The following CRPPA variants were observed in gnomAD, a reference collection of about 807,000 sequenced individuals.
CRPPA encodes the protein D-ribitol-5-phosphate cytidylyltransferase.
In CRPPA, 43 loss-of-function variants were observed where a neutral mutation model predicts 52.0. That is an observed-to-expected ratio of 0.83 (90% CI 0.65 to 1.07). The LOEUF is 1.07. Ranked by LOEUF, CRPPA falls within the 50% of genes least tolerant of loss-of-function variation. The pLI, the probability that CRPPA is intolerant of heterozygous loss-of-function variation, is 0.00. For missense variants in CRPPA, 629 were observed against 551.7 expected (o/e 1.14, Z -1.40); for synonymous variants, 250 against 203.5 (o/e 1.23, Z -1.94).
At chr7:16,174,262 G>A (rs959458382) in intron 9 of CRPPA, among the ~76,000 whole-genome samples, 2 of 152,068 alleles carry the variant, frequency 1.3e-5, no homozygotes, top group Non-Finnish European at 2.9e-5. Flanking sequence ...AGGATGGGGG[G>A]AAAATGCAAG....
At chr7:16,238,965 C>G (rs1220839923) in intron 8 of CRPPA, among the ~76,000 whole-genome samples, 3 of 151,828 alleles carry the variant, frequency 2.0e-5, no homozygotes, top group Non-Finnish European at 2.9e-5. Flanking sequence ...TGGTGAAACC[C>G]CGTCTCTACT....
rs1047167192 is a variant in CRPPA, at chr7:16,226,744, C to T, written c.1120-10547G>A. Reference sequence around the variant, plus strand: ...ACACAACGTGATGTTCTGAAGCATACATTAGTTATGGAATGACTAAATCTA... The same window carrying T: ...ACACAACGTGATGTTCTGAAGCATATATTAGTTATGGAATGACTAAATCTA... On this transcript the variant is annotated intron_variant, in intron 8 of 9. Transcript: ENST00000407010. 2.6e-5 allele frequency among the ~76,000 whole-genome samples: 4 copies of T among 151,898 alleles called. No homozygotes were observed. In the East Asian group the frequency reaches 7.7e-4, roughly 29 times the overall value.
Position 16,149,886 on chromosome 7 carries a change from T to C in CRPPA, c.1252-58087A>G, listed in dbSNP as rs578063816. 4.2e-4 allele frequency among the ~76,000 whole-genome samples: 63 copies of C among 151,266 alleles called. 1 individual carries two copies. The highest frequency in any genetic ancestry group is 1.5e-3 in the African/African-American group (61 of 41,172). On this transcript the variant is annotated intron_variant, in intron 9 of 9. Coordinates refer to ENST00000407010, the MANE Select transcript of CRPPA (RefSeq NM_001101426.4). ...CTGCAGTCCCAACTACTCGGGAGGC[T>C]GAGGCAGGAGAACTGATTGAACTCG...
intron 8 of CRPPA, among the ~76,000 whole-genome samples, chr7:16,251,152 G>A (rs1349670538): frequency 1.3e-5 from 2 of 151,926 alleles, no homozygotes; most frequent in Non-Finnish European, 2.9e-5. Flanking sequence ...TATGGTAAAG[G>A]GATCAATGCA....
chr7:16,244,780 C>T (rs772821035), intron 8 of CRPPA, among the ~76,000 whole-genome samples: 3 of 152,090 alleles, frequency 2.0e-5, no homozygotes, highest in Non-Finnish European at 4.4e-5. Flanking sequence ...AACTTGAAGA[C>T]CCTTGTATAA....
At chr7:16,102,720 G>T (rs1033183352) in intron 9 of CRPPA, among the ~76,000 whole-genome samples, 6 of 152,246 alleles carry the variant, frequency 3.9e-5, no homozygotes, top group African/African-American at 1.4e-4. Context: ...CTCATCACTG[G>T]TCAGTAGAGA....
intron 3 of CRPPA, among the ~76,000 whole-genome samples, chr7:16,369,113 G>C (rs1786682454): frequency 6.6e-6 from 1 of 152,126 alleles, no homozygotes; most frequent in Non-Finnish European, 1.5e-5. Context: ...AAACCTCTCA[G>C]ACACCAAGTT....
intron 9 of CRPPA, among the ~76,000 whole-genome samples, chr7:16,141,171 T>C (rs1466026048): frequency 2.6e-5 from 4 of 152,148 alleles, no homozygotes; most frequent in African/African-American, 4.8e-5. Context: ...CAGCTGTCCA[T>C]TCATTTATGA....
chr7:16,103,352 T>C (rs946152476), intron 9 of CRPPA, among the ~76,000 whole-genome samples: 1 of 152,204 alleles, frequency 6.6e-6, no homozygotes, highest in East Asian at 1.9e-4. Context: ...ATACCTAATA[T>C]AGATGACGGG....
chr7:16,413,341 A>T (rs1788114581), intron 1 of CRPPA, among the ~76,000 whole-genome samples: 2 of 152,198 alleles, frequency 1.3e-5, no homozygotes, highest in South Asian at 4.1e-4. Flanking sequence ...GGTCCTTTGG[A>T]AATGTAACAC....
intron 9 of CRPPA, among the ~76,000 whole-genome samples, chr7:16,160,165 G>A (rs1432795148): frequency 6.6e-6 from 1 of 152,060 alleles, no homozygotes; most frequent in African/African-American, 2.4e-5. Flanking sequence ...AAGCTCTTTG[G>A]TTTAATTAGA....
intron 2 of CRPPA, among the ~76,000 whole-genome samples, chr7:16,379,495 A>G (rs1787012638): frequency 6.6e-6 from 1 of 152,140 alleles, no homozygotes; most frequent in African/African-American, 2.4e-5. Context: ...TTCCACATGA[A>G]CTTTAAAGTA....
intron 8 of CRPPA, among the ~76,000 whole-genome samples, chr7:16,223,547 A>G (rs1782575113): frequency 2.6e-5 from 4 of 152,296 alleles, no homozygotes; most frequent in East Asian, 3.9e-4. Flanking sequence ...ACAGAAGACA[A>G]TCTCCTGCAG....
intron 9 of CRPPA, among the ~76,000 whole-genome samples, chr7:16,126,521 G>T (rs1053483477): frequency 6.6e-6 from 1 of 152,100 alleles, no homozygotes; most frequent in Non-Finnish European, 1.5e-5. Flanking sequence ...AATATTCAAA[G>T]AAAGTGTTGG....
At chr7:16,162,632 G>A (rs1034433385) in intron 9 of CRPPA, among the ~76,000 whole-genome samples, 1 of 152,182 alleles carries the variant, frequency 6.6e-6, no homozygotes, top group Non-Finnish European at 1.5e-5. Context: ...GTGATGTGGT[G>A]CTGAGAAGAA....
chr7:16,282,135 G>A (rs578257869), intron 5 of CRPPA, among the ~76,000 whole-genome samples: 1 of 152,026 alleles, frequency 6.6e-6, no homozygotes, highest in East Asian at 1.9e-4. Context: ...TGTTTAAGTT[G>A]CTGACTCTCT....
chr7:16,384,410 C>G (rs1439143088), intron 2 of CRPPA, among the ~76,000 whole-genome samples: 1 of 152,210 alleles, frequency 6.6e-6, no homozygotes, highest in Non-Finnish European at 1.5e-5. Flanking sequence ...ACAAAGCCAA[C>G]AAAAGCTCTC....
intron 9 of CRPPA, chr7:16,208,954 A>T (rs982034708): frequency 6.3e-5 from 25 of 398,248 alleles, no homozygotes; most frequent in African/African-American, 4.7e-4. Context: ...CGTGGTGAAC[A>T]TTCCTAAAAT....
intron 9 of CRPPA, among the ~76,000 whole-genome samples, chr7:16,210,042 A>G (rs1174439934): frequency 6.6e-6 from 1 of 152,212 alleles, no homozygotes; most frequent in Non-Finnish European, 1.5e-5. Context: ...CAAGCTCTTT[A>G]AAAACAATTT....
Sources: gnomAD v4.1 joint callset for allele counts (sites outside exome capture counted in the v4.1 genomes callset) on GRCh38, gnomAD v4.1.1 for gene constraint, MANE v1.5 for transcripts, NCBI Gene and HGNC (gene_info 2026-07-23, HGNC 2026-07-21) for gene names.